The following MAN2A1 variants were observed in gnomAD, a reference collection of about 807,000 sequenced individuals.
The protein encoded by MAN2A1 is mannosidase alpha class 2A member 1, also known as alpha-mannosidase 2.
MAN2A1 carries 76 observed loss-of-function variants against 142.6 expected under a neutral mutation model. The observed-to-expected ratio is 0.53, with a 90% CI of 0.44 to 0.65. The LOEUF is 0.65. Among genes scored for constraint, MAN2A1 ranks in the 30% least tolerant of loss-of-function variants. The pLI, the probability that MAN2A1 is intolerant of heterozygous loss-of-function variation, is 0.00. For missense variants in MAN2A1, 1,311 were observed against 1,365.1 expected, an observed-to-expected ratio of 0.96 and a Z score of 0.62; for synonymous variants, 559 against 473.2, an observed-to-expected ratio of 1.18 and a Z score of -2.35.
rs985737794 is a variant in MAN2A1 at position 109,823,869 on chromosome 5, A to G, written c.2566+32A>G. ...AAATAGGAATGCAGTTATGAAACAT[A>G]TGTATTATGGTTTTTGAATTCTTGC... is the stretch of plus-strand genomic sequence containing the variant. On this transcript the variant is annotated intron_variant, in intron 16 of 21. Transcript: ENST00000261483. The G allele has an allele frequency of 2.0e-5, 22 of 1,117,046 alleles. No homozygotes were observed. The East Asian group carries it at 5.7e-4, about 29-fold the overall frequency. 69.2% of individuals were successfully genotyped at this position (1,117,046 alleles called of 1,614,324 possible).
At chr5:109,700,673 A>G (rs890404643) in intron 1 of MAN2A1, among the ~76,000 whole-genome samples, 2 of 152,226 alleles carry the variant, frequency 1.3e-5, no homozygotes, top group Non-Finnish European at 2.9e-5. Flanking sequence ...ACAGAATTGT[A>G]GAGTAGGCTG....
chr5:109,776,224 A>G (rs1245550827), intron 8 of MAN2A1, among the ~76,000 whole-genome samples: 2 of 152,148 alleles, frequency 1.3e-5, no homozygotes, highest in African/African-American at 4.8e-5. Context: ...AGGAAATTTG[A>G]AAGCTGATGG....
At chr5:109,827,434 T>C (rs1461598461) in intron 16 of MAN2A1, among the ~76,000 whole-genome samples, 4 of 152,246 alleles carry the variant, frequency 2.6e-5, no homozygotes, top group Admixed American at 6.5e-5. Context: ...AAAGTAACTA[T>C]TGCCCAAATT....
chr5:109,808,811 C>G (rs1286441387), intron 12 of MAN2A1, among the ~76,000 whole-genome samples: 4 of 149,570 alleles, frequency 2.7e-5, no homozygotes, highest in Non-Finnish European at 4.4e-5. Context: ...TCCAGTGATT[C>G]TTGTGCCTCA....
intron 15 of MAN2A1, 105 bp downstream of exon 15, chr5:109,820,447 G>T: frequency 8.7e-7 from 1 of 1,152,978 alleles, no homozygotes; most frequent in Non-Finnish European, 1.2e-6. Context: ...TGATTTATTA[G>T]GGATAGATGA....
intron 20 of MAN2A1, among the ~76,000 whole-genome samples, chr5:109,861,201 T>C (rs187408226): frequency 0.013 from 1,931 of 152,182 alleles, 25 homozygotes; most frequent in Non-Finnish European, 0.019. Flanking sequence ...AGAGATGTTC[T>C]GAGGATTGGA....
chr5:109,751,013 T>G (rs1029850723), intron 4 of MAN2A1, among the ~76,000 whole-genome samples: 2 of 152,062 alleles, frequency 1.3e-5, no homozygotes, highest in African/African-American at 4.8e-5. Flanking sequence ...TTTTGAAACA[T>G]ACAGTACATT....
chr5:109,800,690 A>T (rs1754004578), intron 12 of MAN2A1, among the ~76,000 whole-genome samples: 1 of 152,222 alleles, frequency 6.6e-6, no homozygotes, highest in Non-Finnish European at 1.5e-5. Flanking sequence ...GGGCTGGTAA[A>T]TTCTGGGATT....
chr5:109,840,116 T>C (rs1474590884), intron 16 of MAN2A1: 2 of 184,746 alleles, frequency 1.1e-5, no homozygotes, highest in African/African-American at 4.8e-5. Context: ...CTTGAACAAG[T>C]AGCCAGAAAT....
At chr5:109,726,165 T>G (rs1396276064) in intron 3 of MAN2A1, among the ~76,000 whole-genome samples, 1 of 152,200 alleles carries the variant, frequency 6.6e-6, no homozygotes. Flanking sequence ...GTAAATCAGT[T>G]TGCAACTCAG....
At chr5:109,768,537 C>T (rs905253437) in intron 6 of MAN2A1, among the ~76,000 whole-genome samples, 5 of 152,162 alleles carry the variant, frequency 3.3e-5, no homozygotes, top group Non-Finnish European at 7.3e-5. Flanking sequence ...TAACCTCTGT[C>T]ATTGTGTTCT....
rs1443179085 is a variant in MAN2A1 at position 109,755,212 on chromosome 5, A to G, written c.708-117A>G. ...ACTGGTTTAAACACATTTTTTGACAACTAGTATACATACTGGTTATATTTA... is the reference window on the plus strand; with the variant it reads ...ACTGGTTTAAACACATTTTTTGACAGCTAGTATACATACTGGTTATATTTA... On this transcript the variant is annotated intron_variant, in intron 4 of 21. Coordinates refer to ENST00000261483, the MANE Select transcript of MAN2A1 (RefSeq NM_002372.4). 5 of 734,166 alleles carry G rather than the reference A, an allele frequency of 6.8e-6. 1 individual carries two copies. The African/African-American group carries it at 7.2e-5, about 11-fold the overall frequency. 45.5% of individuals were successfully genotyped at this position (734,166 alleles called of 1,614,324 possible). A position where few individuals can be genotyped will look rare whatever the true frequency, so the allele number is the denominator to read the frequency against.
chr5:109,738,233 G>GTTTTTTTTT (rs70999941), intron 4 of MAN2A1, among the ~76,000 whole-genome samples: 8 of 122,528 alleles, frequency 6.5e-5, no homozygotes, highest in South Asian at 2.6e-4. Flanking sequence ...GGTATTTTAT[G>GTTTTTTTTT]TTTTTTTTTT....
intron 1 of MAN2A1, 94 bp from the exon 2 acceptor site, chr5:109,713,426 G>A (rs1172074573): frequency 1.0e-5 from 11 of 1,089,856 alleles, no homozygotes; most frequent in East Asian, 4.9e-5. Context: ...GGCTGCCCTC[G>A]TAGGCAACCA....
intron 1 of MAN2A1, among the ~76,000 whole-genome samples, chr5:109,699,104 G>T (rs1396197466): frequency 2.0e-5 from 3 of 152,120 alleles, no homozygotes; most frequent in Non-Finnish European, 4.4e-5. Context: ...AGCTTTCAAT[G>T]ATGTAATTGC....
chr5:109,855,405 GAGA>G, intron 20 of MAN2A1, 71 bp downstream of exon 20: 5 of 988,462 alleles, frequency 5.1e-6, no homozygotes, highest in Non-Finnish European at 6.9e-6. Flanking sequence ...GTAAGGAAAG[GAGA>G]AAAAAATAAT....
chr5:109,817,213 T>C, intron 12 of MAN2A1, 60 bp from the exon 13 acceptor site: 2 of 1,439,212 alleles, frequency 1.4e-6, no homozygotes, highest in Admixed American at 1.7e-5. Context: ...TACATGTATA[T>C]GTATATGTAA....
chr5:109,693,717 T>C lies in MAN2A1; in HGVS notation c.135+3165T>C, dbSNP rs563625829. Among the ~76,000 whole-genome samples, 7 of 152,276 alleles carry C rather than the reference T, an allele frequency of 4.6e-5. No homozygotes were observed. In the East Asian group the frequency reaches 1.4e-3, roughly 29 times the overall value. On this transcript the variant is annotated intron_variant, in intron 1 of 21. Coordinates refer to ENST00000261483, the MANE Select transcript of MAN2A1 (RefSeq NM_002372.4). ...TTTCTCTCACCCCGGAACAGCTGCC[T>C]GCCTCTAAGATATTCTTTGGAAGTC...
At chr5:109,696,038 G>GA (rs1349516067) in intron 1 of MAN2A1, among the ~76,000 whole-genome samples, 1 of 151,914 alleles carries the variant, frequency 6.6e-6, no homozygotes, top group East Asian at 1.9e-4. Context: ...TAGCTTTTCT[G>GA]AAAGAGTGCC....
Sources: gnomAD v4.1 joint callset for allele counts (sites outside exome capture counted in the v4.1 genomes callset) on GRCh38, gnomAD v4.1.1 for gene constraint, MANE v1.5 for transcripts, NCBI Gene and HGNC (gene_info 2026-07-23, HGNC 2026-07-21) for gene names.